Variants in ANGPT1 observed in about 807,000 individuals in gnomAD.
ANGPT1 encodes angiopoietin 1.
In ANGPT1, 17 loss-of-function variants were observed where a neutral mutation model predicts 62.2. The ratio of observed to expected loss-of-function variants is 0.27; its 90% confidence interval spans 0.19 to 0.41. The LOEUF (loss-of-function observed/expected upper bound fraction) is 0.41. ANGPT1 is among the 10% of genes least tolerant of loss of function. The pLI, the probability that ANGPT1 is intolerant of heterozygous loss-of-function variation, is 1.00. For missense variants in ANGPT1, 478 were observed against 594.9 expected, an observed-to-expected ratio of 0.80 and a Z score of 2.04; for synonymous variants, 199 against 198.9, an observed-to-expected ratio of 1.00 and a Z score of 0.00.
intron 2 of ANGPT1, among the ~76,000 whole-genome samples, chr8:107,342,959 C>T (rs377697816): frequency 6.6e-5 from 10 of 151,036 alleles, no homozygotes; most frequent in South Asian, 2.1e-4. Flanking sequence ...GCCTTAGCTC[C>T]GTGAGTAACT....
chr8:107,258,536 C>T (rs980290065), intron 8 of ANGPT1, among the ~76,000 whole-genome samples: 7 of 152,134 alleles, frequency 4.6e-5, no homozygotes, highest in Non-Finnish European at 1.0e-4. Flanking sequence ...TAGCCTTGCA[C>T]GAGAGGACTA....
intron 1 of ANGPT1, among the ~76,000 whole-genome samples, chr8:107,471,661 C>T (rs929630261): frequency 5.3e-5 from 8 of 152,166 alleles, no homozygotes; most frequent in East Asian, 1.9e-4. Context: ...AGATTGGCGA[C>T]GTTTGAATGT....
Position 107,448,215 on chromosome 8 carries a change from A to G in ANGPT1, c.297+49047T>C, listed in dbSNP as rs531235219. On this transcript the variant is annotated intron_variant, in intron 1 of 8. Transcript: ENST00000517746. ...AGGACTTACTTAAATACATTTTATC[A>G]TTTCAGTGATTCTTAACTAAATTGT... Among the ~76,000 whole-genome samples, 7 of 152,194 alleles carry G rather than the reference A, an allele frequency of 4.6e-5. No individual in the cohort carries two copies. In the East Asian group the frequency reaches 1.3e-3, roughly 29 times the overall value.
intron 1 of ANGPT1, among the ~76,000 whole-genome samples, chr8:107,370,507 G>C (rs1816382649): frequency 1.3e-5 from 2 of 151,020 alleles, no homozygotes. Context: ...TGACCAACAT[G>C]GTGAAACCAG....
chr8:107,459,190 G>A (rs935449598), intron 1 of ANGPT1, among the ~76,000 whole-genome samples: 1 of 152,024 alleles, frequency 6.6e-6, no homozygotes, highest in African/African-American at 2.4e-5. Context: ...CAAGAGCTCC[G>A]CAACTCCATG....
chr8:107,421,886 G>A (rs942269530), intron 1 of ANGPT1, among the ~76,000 whole-genome samples: 4 of 152,076 alleles, frequency 2.6e-5, no homozygotes, highest in Non-Finnish European at 4.4e-5. Context: ...CATGTATTTC[G>A]TCGCAGCCAT....
At chr8:107,302,941 GACATGACCTCA>G (rs1814628255) in intron 5 of ANGPT1, among the ~76,000 whole-genome samples, 2 of 151,932 alleles carry the variant, frequency 1.3e-5, no homozygotes, top group African/African-American at 4.8e-5. Context: ...ACTCACGGTA[GACATGACCTCA>G]ACATGTAATC....
chr8:107,458,865 C>T (rs769224826), intron 1 of ANGPT1, among the ~76,000 whole-genome samples: 1 of 152,088 alleles, frequency 6.6e-6, no homozygotes, highest in Non-Finnish European at 1.5e-5. Context: ...TCTATTATTC[C>T]TCCTTTACAT....
chr8:107,275,849 C>T (rs1013843619), intron 7 of ANGPT1, among the ~76,000 whole-genome samples: 1 of 152,112 alleles, frequency 6.6e-6, no homozygotes, highest in Non-Finnish European at 1.5e-5. Flanking sequence ...CTTTTGCCAA[C>T]CTGTAAGTTT....
chr8:107,318,586 G>A (rs1007456203), intron 4 of ANGPT1, among the ~76,000 whole-genome samples: 4 of 152,074 alleles, frequency 2.6e-5, no homozygotes, highest in African/African-American at 9.7e-5. Context: ...TAACACAGAA[G>A]CTATGCGTTT....
intron 1 of ANGPT1, among the ~76,000 whole-genome samples, chr8:107,430,619 T>C (rs1811159494): frequency 6.6e-6 from 1 of 152,202 alleles, no homozygotes; most frequent in Admixed American, 6.5e-5. Flanking sequence ...CCCAATGGAA[T>C]CATAAAGTCC....
chr8:107,415,514 G>A (rs13268748), intron 1 of ANGPT1, among the ~76,000 whole-genome samples: 10,635 of 152,034 alleles, frequency 0.07, 815 homozygotes, highest in East Asian at 0.44. Flanking sequence ...GCCAGAAAAG[G>A]TTTACTTTAC....
At chr8:107,479,167 A>T (rs560269963) in intron 1 of ANGPT1, among the ~76,000 whole-genome samples, 1 of 151,718 alleles carries the variant, frequency 6.6e-6, no homozygotes, top group Non-Finnish European at 1.5e-5. Flanking sequence ...GGGATTAGAG[A>T]TCATGTGTGC....
intron 1 of ANGPT1, among the ~76,000 whole-genome samples, chr8:107,404,740 G>A (rs1266281484): frequency 1.3e-5 from 2 of 152,022 alleles, no homozygotes. Flanking sequence ...TTCAAGGTGT[G>A]TTCATTTAAA....
chr8:107,409,151 A>T (rs1232929847), intron 1 of ANGPT1, among the ~76,000 whole-genome samples: 5 of 152,208 alleles, frequency 3.3e-5, no homozygotes, highest in African/African-American at 4.8e-5. Flanking sequence ...CAGATGTGGC[A>T]AGAAATATTC....
At chr8:107,396,517 C>CTTTTTTT (rs10686360) in intron 1 of ANGPT1, among the ~76,000 whole-genome samples, 67 of 84,846 alleles carry the variant, frequency 7.9e-4, no homozygotes, top group African/African-American at 9.6e-4. Flanking sequence ...TCTTTTCTCT[C>CTTTTTTT]TTTTTTTTTT....
At chr8:107,455,491 G>A (rs567101252) in intron 1 of ANGPT1, among the ~76,000 whole-genome samples, 1 of 152,044 alleles carries the variant, frequency 6.6e-6, no homozygotes, top group South Asian at 2.1e-4. Flanking sequence ...TGAATGTCCT[G>A]GCAATGTGGT....
At chr8:107,418,824 A>C (rs1008295912) in intron 1 of ANGPT1, among the ~76,000 whole-genome samples, 1 of 152,192 alleles carries the variant, frequency 6.6e-6, no homozygotes, top group Non-Finnish European at 1.5e-5. Flanking sequence ...TCTTCCTTCA[A>C]CTTCCCAGAA....
chr8:107,451,741 T>C (rs1427584672), intron 1 of ANGPT1, among the ~76,000 whole-genome samples: 1 of 151,942 alleles, frequency 6.6e-6, no homozygotes, highest in Non-Finnish European at 1.5e-5. Flanking sequence ...ACACCTATAG[T>C]AATCTCTTGT....
Sources: allele counts gnomAD v4.1 joint callset (sites outside exome capture counted in the v4.1 genomes callset), GRCh38; gene constraint gnomAD v4.1.1; transcripts MANE v1.5; gene names NCBI Gene and HGNC (gene_info 2026-07-23, HGNC 2026-07-21).